CELF4: variants seen among roughly 807,000 people sequenced by gnomAD.
CELF4 encodes the protein CUG-BP- and ETR-3-like factor 4.
Under a neutral mutation model 59.9 loss-of-function variants are expected in CELF4, and 18 were observed. That is an observed-to-expected ratio of 0.30 (90% CI 0.21 to 0.45). The LOEUF is 0.45. Ranked by LOEUF, CELF4 falls within the 20% of genes least tolerant of loss-of-function variation. The pLI is 1.00. For synonymous variants in CELF4, 261 were observed against 267.1 expected (o/e 0.98, Z 0.22); for missense variants, 456 against 689.0 (o/e 0.66, Z 3.79).
intron 9 of CELF4, among the ~76,000 whole-genome samples, chr18:37,266,014 C>T (rs971412878): frequency 6.8e-4 from 103 of 152,308 alleles, no homozygotes; most frequent in African/African-American, 2.4e-3. Context: ...ACCTCTCCTC[C>T]TCTGCTCCCT....
At chr18:37,316,119 G>A (rs762321607) in intron 3 of CELF4, among the ~76,000 whole-genome samples, 83 of 152,224 alleles carry the variant, frequency 5.5e-4, no homozygotes, top group Non-Finnish European at 1.0e-3. Context: ...GCATGAGCAA[G>A]ACCCCAGCAT....
At chr18:37,537,127 T>G (rs1175927017) in intron 1 of CELF4, among the ~76,000 whole-genome samples, 1 of 152,208 alleles carries the variant, frequency 6.6e-6, no homozygotes, top group Non-Finnish European at 1.5e-5. Flanking sequence ...GGCATTTGCC[T>G]CCTCCTCTTG....
chr18:37,348,902 G>A (rs1335525233), intron 2 of CELF4, among the ~76,000 whole-genome samples: 4 of 152,262 alleles, frequency 2.6e-5, no homozygotes. Context: ...CTCCCCCAGG[G>A]GAGCTGCACT....
intron 2 of CELF4, among the ~76,000 whole-genome samples, chr18:37,401,551 C>T (rs1437128611): frequency 1.3e-5 from 2 of 152,168 alleles, no homozygotes; most frequent in South Asian, 2.1e-4. Flanking sequence ...TCAGAACAGC[C>T]TTATGAGCCA....
intron 10 of CELF4, among the ~76,000 whole-genome samples, chr18:37,262,583 C>G (rs1426699246): frequency 6.6e-6 from 1 of 152,098 alleles, no homozygotes; most frequent in African/African-American, 2.4e-5. Context: ...TGCCATTGAC[C>G]TACGGCTGTG....
chr18:37,379,088 T>A (rs2099005603), intron 2 of CELF4, among the ~76,000 whole-genome samples: 1 of 152,178 alleles, frequency 6.6e-6, no homozygotes, highest in Non-Finnish European at 1.5e-5. Flanking sequence ...GAGATGAGCC[T>A]CCCTGCAGAC....
intron 2 of CELF4, among the ~76,000 whole-genome samples, chr18:37,361,984 GT>G (rs556540348): frequency 6.4e-4 from 97 of 152,276 alleles, no homozygotes; most frequent in African/African-American, 2.2e-3. Flanking sequence ...GGCTGCTGGA[GT>G]GGGAAGCGGA....
intron 2 of CELF4, among the ~76,000 whole-genome samples, chr18:37,381,573 C>T (rs1396472869): frequency 3.3e-5 from 5 of 152,134 alleles, no homozygotes; most frequent in African/African-American, 1.2e-4. Context: ...GGAGGCAAAA[C>T]CCCCATTTGA....
At chr18:37,439,466 G>A (rs2154601103) in intron 2 of CELF4, among the ~76,000 whole-genome samples, 1 of 152,256 alleles carries the variant, frequency 6.6e-6, no homozygotes, top group African/African-American at 2.4e-5. Flanking sequence ...GCTCATGAGG[G>A]TTGTGCCACA....
intron 3 of CELF4, among the ~76,000 whole-genome samples, chr18:37,279,010 TG>T (rs2154375818): frequency 6.6e-6 from 1 of 152,316 alleles, no homozygotes; most frequent in African/African-American, 2.4e-5. Flanking sequence ...AGAATGACTC[TG>T]TTTCCCCAGC....
At chr18:37,288,914 G>A (rs1380818188) in intron 3 of CELF4, among the ~76,000 whole-genome samples, 1 of 152,124 alleles carries the variant, frequency 6.6e-6, no homozygotes, top group Non-Finnish European at 1.5e-5. Context: ...GCAATATTTG[G>A]TTACCGTGAA....
intron 10 of CELF4, among the ~76,000 whole-genome samples, chr18:37,264,234 C>T (rs998634155): frequency 6.6e-6 from 1 of 152,230 alleles, no homozygotes; most frequent in Non-Finnish European, 1.5e-5. Context: ...TACACACAGG[C>T]CTAACCTCTG....
At chr18:37,439,120 A>G (rs2099703379) in intron 2 of CELF4, among the ~76,000 whole-genome samples, 3 of 152,258 alleles carry the variant, frequency 2.0e-5, no homozygotes, top group South Asian at 2.1e-4. Flanking sequence ...TACAGATGAG[A>G]AAACTGAGGC....
At chr18:37,500,457 A>G (rs1203622635) in intron 1 of CELF4, among the ~76,000 whole-genome samples, 4 of 151,920 alleles carry the variant, frequency 2.6e-5, no homozygotes, top group Non-Finnish European at 5.9e-5. Context: ...CCTGCAGCTG[A>G]GTACATCTTG....
At chr18:37,528,668 A>G (rs1254898073) in intron 1 of CELF4, among the ~76,000 whole-genome samples, 1 of 152,150 alleles carries the variant, frequency 6.6e-6, no homozygotes, top group Non-Finnish European at 1.5e-5. Context: ...TTCTAGAAGA[A>G]TACACAGGAA....
At chr18:37,343,817 C>T (rs1284914335) in intron 2 of CELF4, among the ~76,000 whole-genome samples, 1 of 152,048 alleles carries the variant, frequency 6.6e-6, no homozygotes, top group Non-Finnish European at 1.5e-5. Context: ...GCAGCAGACC[C>T]CATCCAGACT....
intron 1 of CELF4, among the ~76,000 whole-genome samples, chr18:37,521,052 G>GA (rs1327478673): frequency 1.4e-5 from 2 of 144,168 alleles, no homozygotes; most frequent in African/African-American, 5.0e-5. Context: ...TAGGGGATGG[G>GA]ATGTGGGAGA....
At chr18:37,366,511 C>T (rs1355244200) in intron 2 of CELF4, among the ~76,000 whole-genome samples, 6 of 152,124 alleles carry the variant, frequency 3.9e-5, no homozygotes, top group Admixed American at 2.0e-4. Context: ...GCAGTGTGCC[C>T]GACTCAGACC....
intron 11 of CELF4, among the ~76,000 whole-genome samples, chr18:37,255,743 C>T (rs2068885879): frequency 6.6e-6 from 1 of 152,106 alleles, no homozygotes; most frequent in Non-Finnish European, 1.5e-5. Flanking sequence ...AAAGCCTGTC[C>T]CTGCCAGGAC....
Sources: gnomAD v4.1 joint callset for allele counts (sites outside exome capture counted in the v4.1 genomes callset) on GRCh38, gnomAD v4.1.1 for gene constraint, MANE v1.5 for transcripts, NCBI Gene and HGNC (gene_info 2026-07-23, HGNC 2026-07-21) for gene names.